Variants in GPRIN3 observed in about 807,000 individuals in gnomAD.
The protein encoded by GPRIN3 is GPRIN family member 3.
A neutral mutation model predicts 13.7 loss-of-function variants in GPRIN3; 12 were observed. That is an observed-to-expected ratio of 0.87 (90% CI 0.56 to 1.42). The LOEUF is 1.42. Among genes scored for constraint, GPRIN3 ranks in the 40% most tolerant of loss-of-function variants. The pLI is 0.00. For missense variants in GPRIN3, 1,009 were observed against 958.7 expected (o/e 1.05, Z -0.69); for synonymous variants, 377 against 372.7 (o/e 1.01, Z -0.13).
chr4:89,275,705 G>A (rs950802941), intron 1 of GPRIN3, among the ~76,000 whole-genome samples: 2 of 152,186 alleles, frequency 1.3e-5, no homozygotes, highest in African/African-American at 4.8e-5. Flanking sequence ...AGAAATGGTT[G>A]TGTAACCTTT....
At position 89,243,844 on chromosome 4, in the gene GPRIN3, C is replaced by A. The variant is rs1723014861; in HGVS notation, c.*3936G>T. ...TGTATTGTTTTTCTTTATACTGATTCATAAAAGTAGACAAGGGATGTGGTT... is the reference window on the plus strand; with the variant it reads ...TGTATTGTTTTTCTTTATACTGATTAATAAAAGTAGACAAGGGATGTGGTT... On this transcript the variant is annotated 3_prime_UTR_variant, in exon 2 of 2. Transcript: ENST00000609438. The A allele has an allele frequency of 6.6e-6, 1 of 152,122 alleles. No individual in the cohort carries two copies. Among genetic ancestry groups the A allele is most frequent in the South Asian group, 2.1e-4 (1 of 4,818 alleles). 9.4% of individuals were successfully genotyped at this position (152,122 alleles called of 1,614,324 possible).
intron 1 of GPRIN3, among the ~76,000 whole-genome samples, chr4:89,278,936 A>G (rs940137969): frequency 6.6e-6 from 1 of 152,220 alleles, no homozygotes. Flanking sequence ...TGTCACTGGA[A>G]GAAACTCTGA....
chr4:89,263,406 G>A (rs975325216), intron 1 of GPRIN3, among the ~76,000 whole-genome samples: 1 of 152,182 alleles, frequency 6.6e-6, no homozygotes, highest in African/African-American at 2.4e-5. Flanking sequence ...GCACTGGCGG[G>A]AATGTGCACT....
At chr4:89,259,833 G>A (rs1351367375) in intron 1 of GPRIN3, among the ~76,000 whole-genome samples, 1 of 152,154 alleles carries the variant, frequency 6.6e-6, no homozygotes, top group Non-Finnish European at 1.5e-5. Context: ...GCCATAATAG[G>A]CTGAGAGCTT....
chr4:89,278,587 G>T (rs1724158051), intron 1 of GPRIN3, among the ~76,000 whole-genome samples: 1 of 152,140 alleles, frequency 6.6e-6, no homozygotes. Flanking sequence ...CAGACAAGAA[G>T]AATTTATTAG....
intron 1 of GPRIN3, among the ~76,000 whole-genome samples, chr4:89,258,342 G>A (rs930238961): frequency 1.3e-5 from 2 of 151,502 alleles, no homozygotes; most frequent in African/African-American, 2.4e-5. Context: ...TCAGTCTCCC[G>A]AGTAGCTAGG....
intron 1 of GPRIN3, among the ~76,000 whole-genome samples, chr4:89,289,066 G>A (rs1487398103): frequency 4.7e-5 from 7 of 150,276 alleles, no homozygotes; most frequent in African/African-American, 1.2e-4. Context: ...AAACTAATTC[G>A]TTCTTTGACC....
chr4:89,300,049 T>C (rs998920022), intron 1 of GPRIN3, among the ~76,000 whole-genome samples: 1 of 152,174 alleles, frequency 6.6e-6, no homozygotes, highest in African/African-American at 2.4e-5. Context: ...TTTAACAGAC[T>C]ACGTTAACTC....
At position 89,241,221 on chromosome 4, in the gene GPRIN3, A is replaced by C. The variant is rs1022989341; in HGVS notation, c.*6559T>G. On this transcript the variant is annotated 3_prime_UTR_variant, in exon 2 of 2. Transcript: ENST00000609438. ...AAGGAGATGATAAAAAAAAAACACA[A>C]ATCAAACAGCCCTTTCTGACCTTCA... 1 of 152,158 alleles carries C rather than the reference A, an allele frequency of 6.6e-6. No homozygotes were observed. The highest frequency in any genetic ancestry group is 6.5e-5 in the Admixed American group (1 of 15,274). 9.4% of individuals were successfully genotyped at this position (152,158 alleles called of 1,614,324 possible). A position where few individuals can be genotyped will look rare whatever the true frequency, so the allele number is the denominator to read the frequency against.
At position 89,242,287 on chromosome 4, in the gene GPRIN3, T is replaced by G. The variant is rs1222971135; in HGVS notation, c.*5493A>C. 1 of 152,218 alleles carries G rather than the reference T, an allele frequency of 6.6e-6. No individual in the cohort carries two copies. The highest frequency in any genetic ancestry group is 1.5e-5 in the Non-Finnish European group (1 of 68,036). The allele number at this position is 152,218 out of a possible 1,614,324, so 9.4% of individuals were successfully genotyped here. A position where few individuals can be genotyped will look rare whatever the true frequency, so the allele number is the denominator to read the frequency against. On this transcript the variant is annotated 3_prime_UTR_variant, in exon 2 of 2. Transcript: ENST00000609438. ...ATTTGAAGCCTCTTTGGATACAAGA[T>G]CTCATGTTTTAGTGATTTTACATCC...
intron 1 of GPRIN3, among the ~76,000 whole-genome samples, chr4:89,284,032 G>A (rs1724332469): frequency 6.6e-6 from 1 of 152,164 alleles, no homozygotes; most frequent in South Asian, 2.1e-4. Context: ...TGAAAGAATG[G>A]AAGGATCCAA....
chr4:89,293,303 G>A (rs1449834734), intron 1 of GPRIN3, among the ~76,000 whole-genome samples: 1 of 152,156 alleles, frequency 6.6e-6, no homozygotes. Flanking sequence ...TAGATCTGAT[G>A]GAAACTCATT....
At chr4:89,297,270 A>G (rs555816326) in intron 1 of GPRIN3, among the ~76,000 whole-genome samples, 2 of 152,322 alleles carry the variant, frequency 1.3e-5, no homozygotes, top group South Asian at 4.1e-4. Context: ...ATTTATACAT[A>G]TCTGTAATCT....
intron 1 of GPRIN3, among the ~76,000 whole-genome samples, chr4:89,287,464 G>A (rs758152795): frequency 1.3e-5 from 2 of 152,144 alleles, no homozygotes; most frequent in African/African-American, 4.8e-5. Context: ...ATTCGAGTTG[G>A]GTTTTAAAAG....
chr4:89,274,906 T>C (rs141174030), intron 1 of GPRIN3, among the ~76,000 whole-genome samples: 99 of 152,246 alleles, frequency 6.5e-4, no homozygotes, highest in African/African-American at 2.1e-3. Flanking sequence ...GCTAATCAGA[T>C]TGGCACTGAG....
intron 1 of GPRIN3, among the ~76,000 whole-genome samples, chr4:89,262,774 T>G (rs938759297): frequency 5.9e-5 from 9 of 152,198 alleles, no homozygotes; most frequent in South Asian, 2.1e-4. Flanking sequence ...TTTCCCAGAC[T>G]TTCTGACTCC....
intron 1 of GPRIN3, among the ~76,000 whole-genome samples, chr4:89,292,990 G>C (rs59953197): frequency 0.05 from 7,552 of 152,270 alleles, 636 homozygotes; most frequent in African/African-American, 0.17. Flanking sequence ...GATGAGTTCA[G>C]TGGTAAATGA....
intron 1 of GPRIN3, among the ~76,000 whole-genome samples, chr4:89,255,768 C>A (rs916241730): frequency 1.2e-4 from 18 of 152,146 alleles, no homozygotes; most frequent in African/African-American, 3.4e-4. Flanking sequence ...AAAAGATGAA[C>A]ACAGATGCCT....
At chr4:89,269,093 A>G (rs936411461) in intron 1 of GPRIN3, among the ~76,000 whole-genome samples, 1 of 152,168 alleles carries the variant, frequency 6.6e-6, no homozygotes, top group Non-Finnish European at 1.5e-5. Flanking sequence ...TGCAGAAAGG[A>G]TCTCCAAATA....
Sources: allele counts gnomAD v4.1 joint callset (sites outside exome capture counted in the v4.1 genomes callset), GRCh38; gene constraint gnomAD v4.1.1; transcripts MANE v1.5; gene names NCBI Gene and HGNC (gene_info 2026-07-23, HGNC 2026-07-21).